Variants in SYCE2 observed in about 807,000 individuals in gnomAD.
SYCE2 encodes synaptonemal complex central element protein 2.
A neutral mutation model predicts 27.9 loss-of-function variants in SYCE2; 3 were observed. The ratio of observed to expected loss-of-function variants is 0.11; its 90% CI spans 0.05 to 0.28. The LOEUF (loss-of-function observed/expected upper bound fraction) is 0.28, where lower values mean the gene tolerates loss of function less well. Ranked by LOEUF, SYCE2 falls within the 10% of genes least tolerant of loss-of-function variation. SYCE2 has a pLI of 1.00. For synonymous variants in SYCE2, 85 were observed against 100.7 expected (o/e 0.84, Z 0.93); for missense variants, 207 against 263.5 (o/e 0.79, Z 1.48).
rs1233200141 is a variant in SYCE2 at position 12,918,945 on chromosome 19, C to T, written c.15+298G>A. On this transcript the variant is annotated intron_variant, in intron 1 of 5. Coordinates refer to ENST00000293695, the MANE Select transcript of SYCE2 (RefSeq NM_001105578.2). ...CAGACTGGGCGACAGAGTGATACTT[C>T]GTCTCAAAAAAAAAAAAAAAAAGAA... is the stretch of plus-strand genomic sequence containing the variant. Among the ~76,000 whole-genome samples, 4 of 110,642 alleles carry T rather than the reference C, an allele frequency of 3.6e-5. No individual in the cohort carries two copies. In the East Asian group the frequency reaches 1.2e-3, roughly 34 times the overall value. 72.6% of individuals were successfully genotyped at this position (110,642 alleles called of 152,430 possible).
chr19:12,906,681 G>A (rs1341071687), intron 2 of SYCE2, among the ~76,000 whole-genome samples: 1 of 152,040 alleles, frequency 6.6e-6, no homozygotes. Context: ...GGCCGAGGTG[G>A]GTGGATCACA....
Position 12,919,111 on chromosome 19 carries a change from G to C in SYCE2, c.15+132C>G, listed in dbSNP as rs576669482. On this transcript the variant is annotated intron_variant, in intron 1 of 5. Transcript: ENST00000293695. The stretch of plus-strand genomic sequence containing the variant: ...AGTCAGGAAATTTGAGGCCAGGCCT[G>C]ATGAGAGGGAGCCCCAATGGCAAAG... 1.2e-5 allele frequency: 14 copies of C among 1,213,872 alleles called. No individual in the cohort carries two copies. In the African/African-American group the frequency reaches 1.9e-4, roughly 17 times the overall value. The allele number at this position is 1,213,872 out of a possible 1,614,324, so 75.2% of individuals were successfully genotyped here.
In SYCE2 at chr19:12,900,490, A is replaced by T; in HGVS notation, c.465T>A (p.Thr155=). The change falls in exon 4 of 6, where the codon ACT becomes ACA. Residue 155 remains threonine, a synonymous_variant. Coordinates refer to ENST00000293695, the MANE Select transcript of SYCE2 (RefSeq NM_001105578.2). ...ELKQVCHSVE[T]VYKDLCLQPE... ...GCTGGAGACACAGGTCTTTGTACAC[A>T]GTCTCCACGCTGTGGCAGACTTGTT... is the stretch of plus-strand genomic sequence containing the variant. 1 of 1,613,964 alleles carries T rather than the reference A, an allele frequency of 6.2e-7. No homozygotes were observed. The highest frequency in any genetic ancestry group is 8.5e-7 in the Non-Finnish European group (1 of 1,180,036).
chr19:12,907,773 A>G (rs1285250808), intron 2 of SYCE2, among the ~76,000 whole-genome samples: 2 of 151,948 alleles, frequency 1.3e-5, no homozygotes, highest in Non-Finnish European at 2.9e-5. Context: ...CCTGGGCAAC[A>G]GAGCGAGACT....
intron 2 of SYCE2, 62 bp from the exon 3 acceptor site, chr19:12,904,728 G>A: frequency 3.8e-6 from 6 of 1,582,878 alleles, no homozygotes; most frequent in Non-Finnish European, 5.2e-6. Flanking sequence ...GCGGCCAGGT[G>A]TAGTCGCTCA....
intron 2 of SYCE2, among the ~76,000 whole-genome samples, chr19:12,911,426 G>GT (rs936498973): frequency 6.6e-6 from 1 of 151,788 alleles, no homozygotes; most frequent in Non-Finnish European, 1.5e-5. Context: ...GCCTTAATGG[G>GT]TTTTTTTCTT....
intron 2 of SYCE2, among the ~76,000 whole-genome samples, chr19:12,911,581 A>G (rs1310861018): frequency 3.4e-5 from 5 of 146,528 alleles, no homozygotes; most frequent in African/African-American, 1.3e-4. Flanking sequence ...CTGGGATTAC[A>G]GGTGCCTACC....
Position 12,916,782 on chromosome 19 carries a change from TC to T in SYCE2, c.131+1439del, listed in dbSNP as rs1568440019. Among the ~76,000 whole-genome samples the T allele has an allele frequency of 8.4e-3, 1,278 of 152,086 alleles. 20 individuals are homozygous for T. The highest frequency in any genetic ancestry group is 0.029 in the African/African-American group (1,207 of 41,496). ...CACCACGCTCATTTCTTTCTTTCTTTCTTTCTTTTTTTTCAGAGAGATATGT... is the reference window on the plus strand; with the variant it reads ...CACCACGCTCATTTCTTTCTTTCTTTTTTCTTTTTTTTCAGAGAGATATGT... On this transcript the variant is annotated intron_variant, in intron 2 of 5. Transcript: ENST00000293695.
chr19:12,913,801 G>A (rs1313004853), intron 2 of SYCE2, among the ~76,000 whole-genome samples: 1 of 152,138 alleles, frequency 6.6e-6, no homozygotes, highest in Non-Finnish European at 1.5e-5. Flanking sequence ...TCCGCAGTAA[G>A]GTATTAGCAA....
intron 1 of SYCE2, 26 bp downstream of exon 1, chr19:12,919,217 G>T (rs779042885): frequency 1.2e-6 from 2 of 1,610,304 alleles, no homozygotes; most frequent in Non-Finnish European, 1.7e-6. Context: ...CGCCCCACGC[G>T]CGAGAAGGAA....
chr19:12,904,064 A>G (rs549430679), intron 3 of SYCE2, among the ~76,000 whole-genome samples: 1 of 152,242 alleles, frequency 6.6e-6, no homozygotes, highest in East Asian at 1.9e-4. Context: ...TGACAATGCA[A>G]GTTGTGCCTC....
intron 5 of SYCE2, chr19:12,899,623 G>T (rs534309237): frequency 6.2e-7 from 1 of 1,613,004 alleles, no homozygotes; most frequent in African/African-American, 1.3e-5. Flanking sequence ...TGTGCTCTGA[G>T]CTTAGAAAGG....
At position 12,900,325 on chromosome 19, in the gene SYCE2, G is replaced by A. The variant is rs1051260722; in HGVS notation, c.495+135C>T. The A allele has an allele frequency of 5.4e-6, 6 of 1,103,386 alleles. No individual in the cohort carries two copies. The African/African-American group carries it at 9.5e-5, about 17-fold the overall frequency. 68.3% of individuals were successfully genotyped at this position (1,103,386 alleles called of 1,614,324 possible). ...GGGGATCACAAACAAGATGGTGAGT[G>A]CACCAAGGGCTTTGCAGGGACTGTG... On this transcript the variant is annotated intron_variant, in intron 4 of 5. Coordinates refer to ENST00000293695, the MANE Select transcript of SYCE2 (RefSeq NM_001105578.2).
At chr19:12,914,931 G>A (rs551176696) in intron 2 of SYCE2, among the ~76,000 whole-genome samples, 4 of 152,274 alleles carry the variant, frequency 2.6e-5, no homozygotes, top group South Asian at 2.1e-4. Flanking sequence ...TTTTTATAAC[G>A]GGAACCTGAG....
At chr19:12,912,641 A>G (rs1971067816) in intron 2 of SYCE2, among the ~76,000 whole-genome samples, 1 of 152,158 alleles carries the variant, frequency 6.6e-6, no homozygotes, top group South Asian at 2.1e-4. Flanking sequence ...TAAAATTAAA[A>G]TCGATGAGAG....
At chr19:12,907,871 CG>C (rs907282047) in intron 2 of SYCE2, among the ~76,000 whole-genome samples, 2 of 152,038 alleles carry the variant, frequency 1.3e-5, no homozygotes, top group African/African-American at 2.4e-5. Flanking sequence ...ACCAGCACTT[CG>C]GGGGGCTAAG....
chr19:12,917,384 G>A (rs1971156105), intron 2 of SYCE2, among the ~76,000 whole-genome samples: 1 of 151,482 alleles, frequency 6.6e-6, no homozygotes, highest in African/African-American at 2.4e-5. Context: ...TTTTTTTTGA[G>A]ACGGAGTCTC....
chr19:12,912,954 T>C (rs1971073787), intron 2 of SYCE2, among the ~76,000 whole-genome samples: 1 of 152,190 alleles, frequency 6.6e-6, no homozygotes, highest in Non-Finnish European at 1.5e-5. Flanking sequence ...AGGATGCTAA[T>C]GAATCATAGG....
In SYCE2 at chr19:12,899,214, G is replaced by C. The variant is rs553191132; in HGVS notation, c.*127C>G. On this transcript the variant is annotated 3_prime_UTR_variant, in exon 6 of 6. Transcript: ENST00000293695. ...GGGAGTTCAGCACAAGGAGCTTTGG[G>C]TTTTTGTTTTTTTCTGCCAAGATGC... 1,502 of 866,100 alleles carry C rather than the reference G, an allele frequency of 1.7e-3. 1 individual carries two copies. The highest frequency in any genetic ancestry group is 2.9e-3 in the Admixed American group (133 of 45,624). 53.7% of individuals were successfully genotyped at this position (866,100 alleles called of 1,614,324 possible).
Sources: gnomAD v4.1 joint callset for allele counts (sites outside exome capture counted in the v4.1 genomes callset) on GRCh38, gnomAD v4.1.1 for gene constraint, MANE v1.5 for transcripts, NCBI Gene and HGNC (gene_info 2026-07-23, HGNC 2026-07-21) for gene names.